Variants in RFC1 observed in about 807,000 individuals in gnomAD.
RFC1 encodes the protein A1 140 kDa subunit.
RFC1 carries 37 observed loss-of-function variants against 137.4 expected under a neutral mutation model. The ratio of observed to expected loss-of-function variants is 0.27; its 90% CI spans 0.21 to 0.35. The LOEUF (loss-of-function observed/expected upper bound fraction) is 0.35, where lower values mean the gene tolerates loss of function less well. Among genes scored for constraint, RFC1 ranks in the 10% least tolerant of loss-of-function variants. The pLI is 1.00. For synonymous variants in RFC1, 429 were observed against 455.7 expected (o/e 0.94, Z 0.75); for missense variants, 1,205 against 1,358.5 (o/e 0.89, Z 1.78).
At chr4:39,355,375 A>G (rs994119250) in intron 1 of RFC1, among the ~76,000 whole-genome samples, 4 of 151,896 alleles carry the variant, frequency 2.6e-5, no homozygotes, top group African/African-American at 9.7e-5. Context: ...GGCTGCAGTG[A>G]GCCATGACCA....
intron 19 of RFC1, among the ~76,000 whole-genome samples, chr4:39,301,178 G>C (rs138590923): frequency 6.6e-6 from 1 of 152,084 alleles, no homozygotes; most frequent in Admixed American, 6.5e-5. Flanking sequence ...AAGCCAACTG[G>C]AAAAGTCCAC....
At chr4:39,356,555 G>C (rs913746213) in intron 1 of RFC1, among the ~76,000 whole-genome samples, 2 of 152,072 alleles carry the variant, frequency 1.3e-5, no homozygotes, top group African/African-American at 4.8e-5. Flanking sequence ...TTTTAATTGG[G>C]ATTAACTTTG....
At position 39,311,753 on chromosome 4, in the gene RFC1, A is replaced by T. The variant is rs113481484; in HGVS notation, c.1384-204T>A. ...TGAAAAGAAAGAAAATAACAGATAC[A>T]TTCCCTAAGAGTAGCAGGTTGGCAT... On this transcript the variant is annotated intron_variant, in intron 11 of 24. Transcript: ENST00000349703. 3.3e-3 allele frequency among the ~76,000 whole-genome samples: 503 copies of T among 152,358 alleles called. 1 individual carries two copies. The highest frequency in any genetic ancestry group is 0.012 in the African/African-American group (481 of 41,580).
Position 39,348,431 on chromosome 4 carries a change from A to AGAG in RFC1, c.132+2916_132+2917insCTC, listed in dbSNP as rs1560619852. On this transcript the variant is annotated intron_variant, in intron 2 of 24. Transcript: ENST00000349703. ...GAGCAAGACTCTGTTTCAAAAAAGA[A>AGAG]AAGAAAAGAAAAGAAAAGAAAAGAA... is the stretch of plus-strand genomic sequence containing the variant. Among the ~76,000 whole-genome samples, 15 of 83,918 alleles carry AGAG rather than the reference A, an allele frequency of 1.8e-4. 1 individual carries two copies. Among genetic ancestry groups the AGAG allele is most frequent in the African/African-American group, 3.8e-4 (9 of 23,556 alleles). 55.1% of individuals were successfully genotyped at this position (83,918 alleles called of 152,430 possible).
chr4:39,348,445 A>AG (rs1740998202), intron 2 of RFC1, among the ~76,000 whole-genome samples: 2 of 123,268 alleles, frequency 1.6e-5, no homozygotes, highest in Admixed American at 8.2e-5. Flanking sequence ...AAAAGAAAAG[A>AG]AAAGAAAAGA....
intron 1 of RFC1, among the ~76,000 whole-genome samples, chr4:39,360,518 T>A (rs918228823): frequency 6.8e-6 from 1 of 146,270 alleles, no homozygotes; most frequent in Admixed American, 6.8e-5. Flanking sequence ...CAAAATAAAA[T>A]TAAAATAAAA....
intron 3 of RFC1, among the ~76,000 whole-genome samples, chr4:39,344,937 T>C (rs902619900): frequency 1.3e-5 from 2 of 152,194 alleles, no homozygotes; most frequent in African/African-American, 4.8e-5. Context: ...AAATTTTACT[T>C]GAGCATACAG....
chr4:39,345,621 C>G (rs748384451), intron 2 of RFC1, 145 bp from the exon 3 acceptor site: 5 of 571,680 alleles, frequency 8.7e-6, no homozygotes, highest in Admixed American at 3.2e-5. Flanking sequence ...CCCAGGTTCA[C>G]GCCATTCTCC....
At chr4:39,301,090 A>G (rs1462914320) in intron 19 of RFC1, among the ~76,000 whole-genome samples, 30 of 47,308 alleles carry the variant, frequency 6.3e-4, no homozygotes, top group Non-Finnish European at 1.2e-3. Flanking sequence ...AAGACTCCGA[A>G]AAAAAAAAAA....
In RFC1 at chr4:39,296,238, CTTTTTTTTTTTCT is replaced by C. The variant is rs1172351891; in HGVS notation, c.2809-492_2809-480del. Among the ~76,000 whole-genome samples, 15 of 116,538 alleles carry C rather than the reference CTTTTTTTTTTTCT, an allele frequency of 1.3e-4. No homozygotes were observed. In the South Asian group the frequency reaches 2.2e-3, roughly 17 times the overall value. The allele number at this position is 116,538 out of a possible 152,430, so 76.5% of individuals were successfully genotyped here. A position where few individuals can be genotyped will look rare whatever the true frequency, so the allele number is the denominator to read the frequency against. On this transcript the variant is annotated intron_variant, in intron 21 of 24. Transcript: ENST00000349703. ...CTTCTATGTCCAGGGTTTTCACTTT[CTTTTTTTTTTTCT>C]TTTTTTTTTTTTTATTATACTTTAA...
rs1293471914 is a variant in RFC1, at chr4:39,301,102, C to CA, written c.2536-689dup. Among the ~76,000 whole-genome samples, 551 of 147,054 alleles carry CA rather than the reference C, an allele frequency of 3.7e-3. 2 individuals are homozygous for CA. Among genetic ancestry groups the CA allele is most frequent in the African/African-American group, 0.013 (496 of 39,598 alleles). On this transcript the variant is annotated intron_variant, in intron 19 of 24. Coordinates refer to ENST00000349703, the MANE Select transcript of RFC1 (RefSeq NM_002913.5). ...AGCAAGACTCCGAAAAAAAAAAAAC[C>CA]AAAAAAAACAAAAACAAAAACAAAA...
intron 12 of RFC1, among the ~76,000 whole-genome samples, chr4:39,309,549 T>A (rs1034526893): frequency 2.0e-5 from 3 of 152,202 alleles, no homozygotes; most frequent in Admixed American, 6.5e-5. Flanking sequence ...GAAACCACTA[T>A]GCTAAGTGGA....
intron 22 of RFC1, 50 bp downstream of exon 22, chr4:39,295,564 C>A: frequency 6.6e-7 from 1 of 1,507,152 alleles, no homozygotes. Flanking sequence ...TGGATAAAGG[C>A]CAAATACACC....
intron 1 of RFC1, among the ~76,000 whole-genome samples, chr4:39,358,012 C>T (rs1219812415): frequency 2.0e-5 from 3 of 152,088 alleles, no homozygotes; most frequent in Non-Finnish European, 4.4e-5. Flanking sequence ...CAGTGGCTCA[C>T]ACCTGTAATC....
intron 4 of RFC1, among the ~76,000 whole-genome samples, chr4:39,329,721 TA>T (rs1467056198): frequency 2.0e-5 from 3 of 151,760 alleles, no homozygotes; most frequent in East Asian, 3.9e-4. Context: ...AACCTGTCTC[TA>T]AAAAAAACTT....
rs1738513422 is a variant in RFC1, at chr4:39,304,147, A to G, written c.2110+667T>C. Among the ~76,000 whole-genome samples, 6 of 152,304 alleles carry G rather than the reference A, an allele frequency of 3.9e-5. No individual in the cohort carries two copies. In the South Asian group the frequency reaches 1.2e-3, roughly 32 times the overall value. On this transcript the variant is annotated intron_variant, in intron 15 of 24. Coordinates refer to ENST00000349703, the MANE Select transcript of RFC1 (RefSeq NM_002913.5). ...TTTGAACAATGTGAAGGCACCAAGA[A>G]TTCAGGTGACAAAACAACACACCAT...
chr4:39,353,790 A>T (rs1331373343), intron 1 of RFC1, among the ~76,000 whole-genome samples: 2 of 152,248 alleles, frequency 1.3e-5, no homozygotes, highest in African/African-American at 4.8e-5. Flanking sequence ...GTGATTGTTT[A>T]AACACATACA....
intron 3 of RFC1, 148 bp downstream of exon 3, chr4:39,345,253 C>T (rs1740793975): frequency 1.7e-6 from 1 of 574,478 alleles, no homozygotes; most frequent in Non-Finnish European, 3.0e-6. Context: ...GACCTCAAGT[C>T]ATCTGCCTGC....
chr4:39,338,858 T>C (rs1217882647), intron 4 of RFC1, among the ~76,000 whole-genome samples: 2 of 152,214 alleles, frequency 1.3e-5, no homozygotes, highest in Admixed American at 1.3e-4. Context: ...ATTAGATCTC[T>C]GGACTTGTTC....
Sources: gnomAD v4.1 joint callset for allele counts (sites outside exome capture counted in the v4.1 genomes callset) on GRCh38, gnomAD v4.1.1 for gene constraint, MANE v1.5 for transcripts, NCBI Gene and HGNC (gene_info 2026-07-23, HGNC 2026-07-21) for gene names.